SASH1: variants seen among roughly 807,000 people sequenced by gnomAD.
The protein encoded by SASH1 is SAM and SH3 domain-containing protein 1.
Under a neutral mutation model 125.2 loss-of-function variants are expected in SASH1, and 44 were observed. The observed-to-expected ratio is 0.35, with a 90% CI of 0.28 to 0.45. SASH1 has a LOEUF of 0.45. Among genes scored for constraint, SASH1 ranks in the 20% least tolerant of loss-of-function variants. The pLI is 1.00. For synonymous variants in SASH1, 639 were observed against 649.1 expected, an observed-to-expected ratio of 0.98 and a Z score of 0.24; for missense variants, 1,426 against 1,614.5, an observed-to-expected ratio of 0.88 and a Z score of 2.00.
the SASH1 span, among the ~76,000 whole-genome samples, chr6:148,227,798 A>T: frequency 2.3e-3 from 348 of 152,322 alleles, 3 homozygotes; most frequent in African/African-American, 7.6e-3. Flanking sequence ...GTTCCATTCC[A>T]TCACCTGAAA....
At chr6:148,349,241 CTTCTTTCTTTCTTTTTTTTTTT>C (rs1177862068) in intron 1 of SASH1, among the ~76,000 whole-genome samples, 19 of 87,128 alleles carry the variant, frequency 2.2e-4, no homozygotes, top group South Asian at 9.9e-4. Flanking sequence ...TTCATTCTTT[CTTCTTTCTTTCTTTTTTTTTTT>C]TTTTTTTTTT....
intron 17 of SASH1, among the ~76,000 whole-genome samples, chr6:148,541,291 C>A (rs1016098072): frequency 2.0e-5 from 3 of 150,410 alleles, no homozygotes; most frequent in Admixed American, 1.3e-4. Context: ...ATCTAGTAGC[C>A]CATGTGTTAA....
At chr6:148,212,788 T>G in the SASH1 span, among the ~76,000 whole-genome samples, 1 of 152,212 alleles carries the variant, frequency 6.6e-6, no homozygotes, top group Admixed American at 6.5e-5. Context: ...GAAGGTTTGT[T>G]TCCCTCATTT....
chr6:148,538,865 T>C (rs895233062), intron 16 of SASH1, among the ~76,000 whole-genome samples: 1 of 152,258 alleles, frequency 6.6e-6, no homozygotes, highest in Non-Finnish European at 1.5e-5. Context: ...CAACTAGCTA[T>C]TTTGTGTAGA....
the SASH1 span, among the ~76,000 whole-genome samples, chr6:148,261,739 G>A: frequency 3.3e-5 from 5 of 152,130 alleles, no homozygotes; most frequent in African/African-American, 7.2e-5. Context: ...CAGGGTATGG[G>A]GGACAGACAA....
the SASH1 span, among the ~76,000 whole-genome samples, chr6:148,264,178 A>G: frequency 7.6e-6 from 1 of 132,310 alleles, no homozygotes; most frequent in East Asian, 2.1e-4. Context: ...ATTTTGACCG[A>G]AAAAAAAAAA....
intron 1 of SASH1, among the ~76,000 whole-genome samples, chr6:148,384,893 G>T (rs1321973860): frequency 6.6e-6 from 1 of 152,102 alleles, no homozygotes; most frequent in Non-Finnish European, 1.5e-5. Flanking sequence ...TAGAAATGAT[G>T]ATTATTCTTA....
chr6:148,502,496 G>A lies in SASH1; in HGVS notation c.730-11828G>A, dbSNP rs543605727. ...AATACGAAGAATAACACATTAACCTGATGACTGTGACCAAAAGGCCTCTGC... is the reference window on the plus strand; with the variant it reads ...AATACGAAGAATAACACATTAACCTAATGACTGTGACCAAAAGGCCTCTGC... On this transcript the variant is annotated intron_variant, in intron 8 of 19. Coordinates refer to ENST00000367467, the MANE Select transcript of SASH1 (RefSeq NM_015278.5). Among the ~76,000 whole-genome samples, 27 of 152,284 alleles carry A rather than the reference G, an allele frequency of 1.8e-4. No homozygotes were observed. In the South Asian group the frequency reaches 3.9e-3, roughly 22 times the overall value.
chr6:148,452,440 C>T (rs1421477372), intron 4 of SASH1, among the ~76,000 whole-genome samples: 2 of 152,218 alleles, frequency 1.3e-5, no homozygotes, highest in African/African-American at 4.8e-5. Context: ...CAGTCTAAAG[C>T]ATGCCCTGCA....
intron 8 of SASH1, chr6:148,513,848 G>GT: frequency 1.0e-6 from 1 of 986,514 alleles, no homozygotes; most frequent in Non-Finnish European, 1.2e-6. Flanking sequence ...CTGCCCTGCT[G>GT]TTTTTGATTT....
chr6:148,335,208 G>A (rs1215274737), intron 1 of SASH1, among the ~76,000 whole-genome samples: 1 of 150,638 alleles, frequency 6.6e-6, no homozygotes, highest in African/African-American at 2.4e-5. Context: ...TGAGGCAGGA[G>A]AATCATTTGA....
At chr6:148,498,651 A>C (rs1779422791) in intron 8 of SASH1, among the ~76,000 whole-genome samples, 1 of 152,218 alleles carries the variant, frequency 6.6e-6, no homozygotes, top group Non-Finnish European at 1.5e-5. Flanking sequence ...TACATACCAC[A>C]GAGGATATGC....
intron 9 of SASH1, 41 bp downstream of exon 9, chr6:148,514,497 A>G (rs1780332446): frequency 7.6e-7 from 1 of 1,311,426 alleles, no homozygotes; most frequent in Non-Finnish European, 9.9e-7. Flanking sequence ...GGCAGACTCC[A>G]CCCTGGTTAT....
chr6:148,200,729 T>C, the SASH1 span, among the ~76,000 whole-genome samples: 31 of 152,290 alleles, frequency 2.0e-4, no homozygotes, highest in South Asian at 2.1e-4. Flanking sequence ...TAGCCTTTTG[T>C]CTAAAGTGGA....
At chr6:148,332,388 T>TA (rs1490447475) in intron 1 of SASH1, among the ~76,000 whole-genome samples, 3 of 152,142 alleles carry the variant, frequency 2.0e-5, no homozygotes, top group Non-Finnish European at 4.4e-5. Context: ...GGAACTATGG[T>TA]AAAAAATAAA....
the SASH1 span, among the ~76,000 whole-genome samples, chr6:148,223,473 G>T: frequency 2.0e-5 from 3 of 152,174 alleles, no homozygotes; most frequent in Non-Finnish European, 2.9e-5. Context: ...AGAGGCTTCC[G>T]CTGATGTGGG....
intron 1 of SASH1, among the ~76,000 whole-genome samples, chr6:148,287,694 TGGGG>T (rs71546203): frequency 8.3e-5 from 11 of 132,226 alleles, no homozygotes; most frequent in Admixed American, 6.0e-4. Context: ...TGCGTGTGTG[TGGGG>T]GGGTGGGGGG....
At chr6:148,233,300 T>A in the SASH1 span, among the ~76,000 whole-genome samples, 1 of 151,680 alleles carries the variant, frequency 6.6e-6, no homozygotes, top group South Asian at 2.1e-4. Context: ...AAGTTCATGC[T>A]CCTTTCAGTA....
At chr6:148,328,757 A>G (rs1780909866) in intron 1 of SASH1, among the ~76,000 whole-genome samples, 1 of 152,204 alleles carries the variant, frequency 6.6e-6, no homozygotes, top group Non-Finnish European at 1.5e-5. Context: ...TTTTTGATTT[A>G]CCAGTGAATG....
Sources: gnomAD v4.1 joint callset for allele counts (sites outside exome capture counted in the v4.1 genomes callset) on GRCh38, gnomAD v4.1.1 for gene constraint, MANE v1.5 for transcripts, NCBI Gene and HGNC (gene_info 2026-07-23, HGNC 2026-07-21) for gene names.